The following GCNT2 variants were observed in gnomAD, a reference collection of about 807,000 sequenced individuals.
GCNT2 encodes glucosaminyl (N-acetyl) transferase 2 (I blood group).
Under a neutral mutation model 34.2 loss-of-function variants are expected in GCNT2, and 34 were observed. The ratio of observed to expected loss-of-function variants is 1.00; its 90% CI spans 0.76 to 1.32. The LOEUF is 1.32. Ranked by LOEUF, GCNT2 falls within the 40% of genes most tolerant of loss-of-function variation. GCNT2 has a pLI of 0.00. For synonymous variants in GCNT2, 212 were observed against 188.0 expected, an observed-to-expected ratio of 1.13 and a Z score of -1.04; for missense variants, 584 against 489.4, an observed-to-expected ratio of 1.19 and a Z score of -1.82.
intron 3 of GCNT2, among the ~76,000 whole-genome samples, chr6:10,534,460 G>A (rs1761667707): frequency 6.6e-6 from 1 of 152,022 alleles, no homozygotes; most frequent in Non-Finnish European, 1.5e-5. Flanking sequence ...GACAGCAAGT[G>A]CTCTCTGTGT....
chr6:10,533,229 C>A (rs544062728), intron 3 of GCNT2, among the ~76,000 whole-genome samples: 1 of 150,468 alleles, frequency 6.6e-6, no homozygotes, highest in East Asian at 2.0e-4. Flanking sequence ...TCACTTCAGC[C>A]TGGGAGGCGG....
At chr6:10,599,400 GTGT>G (rs1486964312) in intron 3 of GCNT2, among the ~76,000 whole-genome samples, 4 of 152,216 alleles carry the variant, frequency 2.6e-5, no homozygotes, top group Non-Finnish European at 4.4e-5. Context: ...AAAATATGTG[GTGT>G]TGTTTCCACC....
At chr6:10,566,152 C>T (rs980864225) in intron 3 of GCNT2, among the ~76,000 whole-genome samples, 17 of 152,144 alleles carry the variant, frequency 1.1e-4, no homozygotes, top group Non-Finnish European at 1.3e-4. Flanking sequence ...GGATGCTCTT[C>T]CTCCCTATCC....
At chr6:10,550,265 G>T (rs1221593946) in intron 3 of GCNT2, among the ~76,000 whole-genome samples, 2 of 152,096 alleles carry the variant, frequency 1.3e-5, no homozygotes, top group Admixed American at 6.5e-5. Context: ...TGTTAGCCAG[G>T]CTGGTCTTGA....
At chr6:10,547,252 C>A (rs746803060) in intron 3 of GCNT2, among the ~76,000 whole-genome samples, 82 of 152,176 alleles carry the variant, frequency 5.4e-4, no homozygotes, top group Non-Finnish European at 1.1e-3. Flanking sequence ...ACACCCACCC[C>A]CATGTAACCA....
chr6:10,567,487 C>G (rs1328465424), intron 3 of GCNT2, among the ~76,000 whole-genome samples: 1 of 152,134 alleles, frequency 6.6e-6, no homozygotes, highest in Non-Finnish European at 1.5e-5. Flanking sequence ...AAAGGGAAGA[C>G]TGACCATGTT....
At position 10,570,095 on chromosome 6, in the gene GCNT2, C is replaced by A. The variant is rs577295443; in HGVS notation, c.925+40259C>A. Among the ~76,000 whole-genome samples the A allele has an allele frequency of 3.3e-5, 5 of 152,152 alleles. 1 individual carries two copies. In the East Asian group the frequency reaches 9.7e-4, roughly 29 times the overall value. On this transcript the variant is annotated intron_variant, in intron 3 of 4. Transcript: ENST00000495262. ...GCGTTCCTCCCATGCACCACCATGC[C>A]CAGCTAATTTTGTAATTTTTGTAGA...
intron 3 of GCNT2, among the ~76,000 whole-genome samples, chr6:10,582,371 C>CTA (rs1764139290): frequency 1.0e-5 from 1 of 98,444 alleles, no homozygotes; most frequent in Admixed American, 1.2e-4. Context: ...ATAATATATA[C>CTA]TATAATTTAA....
intron 1 of GCNT2, among the ~76,000 whole-genome samples, chr6:10,526,441 A>C (rs1271275978): frequency 6.6e-6 from 1 of 152,222 alleles, no homozygotes; most frequent in Non-Finnish European, 1.5e-5. Context: ...AAAAATCAAC[A>C]GGAATAACTC....
At chr6:10,578,695 C>G (rs1449940866) in intron 3 of GCNT2, among the ~76,000 whole-genome samples, 1 of 152,130 alleles carries the variant, frequency 6.6e-6, no homozygotes, top group Non-Finnish European at 1.5e-5. Context: ...ATCCGCCTGC[C>G]TTGGCCTCCC....
In GCNT2 at chr6:10,547,351, TGAATCTGGGATCTGATCAA is replaced by T. The variant is rs1446779212; in HGVS notation, c.925+17522_925+17540del. Reference sequence around the variant, plus strand: ...ATGGTTATACTCATTATGTCCTTCATGAATCTGGGATCTGATCAAGAATCTTAAGCTAAACTTTGGCCAT... The same window carrying T: ...ATGGTTATACTCATTATGTCCTTCATGAATCTTAAGCTAAACTTTGGCCAT... On this transcript the variant is annotated intron_variant, in intron 3 of 4. Transcript: ENST00000495262. Among the ~76,000 whole-genome samples, 15 of 152,348 alleles carry T rather than the reference TGAATCTGGGATCTGATCAA, an allele frequency of 9.8e-5. No individual in the cohort carries two copies. The East Asian group carries it at 2.9e-3, about 29-fold the overall frequency.
intron 3 of GCNT2, 110 bp downstream of exon 3, chr6:10,529,946 T>G: frequency 1.1e-6 from 1 of 928,840 alleles, no homozygotes; most frequent in Admixed American, 2.2e-5. Context: ...TTTACGGTTT[T>G]AAATGTCAAA....
intron 3 of GCNT2, among the ~76,000 whole-genome samples, chr6:10,540,715 A>G (rs1278076533): frequency 6.6e-6 from 1 of 152,188 alleles, no homozygotes; most frequent in Non-Finnish European, 1.5e-5. Context: ...TGTTCTCTAC[A>G]AGTGGAGAAA....
chr6:10,557,300 A>G, intron 3 of GCNT2: 1 of 1,613,814 alleles, frequency 6.2e-7, no homozygotes, highest in Non-Finnish European at 8.5e-7. Context: ...GGACACTTTC[A>G]GTCCTGATGA....
At position 10,603,654 on chromosome 6, in the gene GCNT2, T is replaced by C. The variant is rs979063927; in HGVS notation, c.926-17697T>C. On this transcript the variant is annotated intron_variant, in intron 3 of 4. Transcript: ENST00000495262. Reference sequence around the variant, plus strand: ...CCTCAGCCTCCTGAGTAGCTGGGACTGCAGGCGCCTGCCACCACACCTAGC... The same window carrying C: ...CCTCAGCCTCCTGAGTAGCTGGGACCGCAGGCGCCTGCCACCACACCTAGC... Among the ~76,000 whole-genome samples, 67 of 151,356 alleles carry C rather than the reference T, an allele frequency of 4.4e-4. 1 individual carries two copies. The highest frequency in any genetic ancestry group is 8.4e-4 in the Non-Finnish European group (57 of 67,832).
intron 3 of GCNT2, among the ~76,000 whole-genome samples, chr6:10,597,534 G>A (rs1388443927): frequency 6.6e-6 from 1 of 151,962 alleles, no homozygotes; most frequent in Non-Finnish European, 1.5e-5. Context: ...CAGTGACTAC[G>A]ACTTGCTAAC....
intron 3 of GCNT2, among the ~76,000 whole-genome samples, chr6:10,539,160 A>C (rs1407061355): frequency 1.4e-5 from 2 of 139,222 alleles, no homozygotes; most frequent in Non-Finnish European, 3.1e-5. Context: ...TTTAAAGCCT[A>C]TCTCTACAGC....
At chr6:10,577,261 G>A (rs1420957422) in intron 3 of GCNT2, among the ~76,000 whole-genome samples, 2 of 152,214 alleles carry the variant, frequency 1.3e-5, no homozygotes, top group Non-Finnish European at 2.9e-5. Context: ...TGACAGCCAT[G>A]TAGGGCAGGG....
chr6:10,527,870 C>T (rs1761275922), intron 2 of GCNT2, among the ~76,000 whole-genome samples: 1 of 151,736 alleles, frequency 6.6e-6, no homozygotes, highest in Non-Finnish European at 1.5e-5. Context: ...TCATTTTTTA[C>T]AGATTAAAAA....
Sources: gnomAD v4.1 joint callset for allele counts (sites outside exome capture counted in the v4.1 genomes callset) on GRCh38, gnomAD v4.1.1 for gene constraint, MANE v1.5 for transcripts, NCBI Gene and HGNC (gene_info 2026-07-23, HGNC 2026-07-21) for gene names.